STPG2: variants seen among roughly 807,000 people sequenced by gnomAD.
STPG2 encodes sperm tail PG-rich repeat containing 2.
In STPG2, 56 loss-of-function variants were observed where a neutral mutation model predicts 54.2. That is an observed-to-expected ratio of 1.03 (90% CI 0.83 to 1.29). The LOEUF (loss-of-function observed/expected upper bound fraction) is 1.29. Among genes scored for constraint, STPG2 ranks in the 50% most tolerant of loss-of-function variants. The pLI is 0.00. For synonymous variants in STPG2, 200 were observed against 181.8 expected, an observed-to-expected ratio of 1.10 and a Z score of -0.81; for missense variants, 596 against 544.9, an observed-to-expected ratio of 1.09 and a Z score of -0.93.
intron 9 of STPG2, among the ~76,000 whole-genome samples, chr4:97,776,890 A>G (rs1349511591): frequency 6.6e-6 from 1 of 152,178 alleles, no homozygotes; most frequent in Non-Finnish European, 1.5e-5. Flanking sequence ...AAACTAAAAG[A>G]GCACTGCAGT....
intron 4 of STPG2, among the ~76,000 whole-genome samples, chr4:97,457,990 A>G (rs2148804891): frequency 6.6e-6 from 1 of 152,386 alleles, no homozygotes; most frequent in East Asian, 1.9e-4. Context: ...TCAGAGGTTC[A>G]TAACTATGCA....
At chr4:97,609,943 A>T (rs1254477122) in intron 10 of STPG2, among the ~76,000 whole-genome samples, 1 of 151,862 alleles carries the variant, frequency 6.6e-6, no homozygotes, top group African/African-American at 2.4e-5. Context: ...GTATATATAT[A>T]TTATATGTGT....
chr4:97,535,855 T>A (rs968762167), intron 4 of STPG2, among the ~76,000 whole-genome samples: 5 of 152,174 alleles, frequency 3.3e-5, no homozygotes, highest in South Asian at 2.1e-4. Context: ...AGGCTATAGT[T>A]CCATATGAGT....
At chr4:97,864,488 T>A (rs1729685509) in intron 8 of STPG2, among the ~76,000 whole-genome samples, 1 of 152,122 alleles carries the variant, frequency 6.6e-6, no homozygotes. Context: ...ATAGGAAGAA[T>A]CAATATCGTG....
intron 10 of STPG2, among the ~76,000 whole-genome samples, chr4:97,679,520 A>T (rs902439168): frequency 5.3e-5 from 8 of 151,176 alleles, no homozygotes; most frequent in Admixed American, 2.0e-4. Context: ...TAGATTCTGG[A>T]TATTAGCCCT....
At chr4:97,693,400 C>A (rs1723442987) in intron 10 of STPG2, among the ~76,000 whole-genome samples, 1 of 151,906 alleles carries the variant, frequency 6.6e-6, no homozygotes, top group Non-Finnish European at 1.5e-5. Context: ...TTATATCAGA[C>A]AAAACAAACC....
intron 9 of STPG2, among the ~76,000 whole-genome samples, chr4:97,770,419 C>A (rs1399181680): frequency 2.0e-5 from 3 of 151,984 alleles, no homozygotes; most frequent in Non-Finnish European, 4.4e-5. Context: ...TTGGCAAGCA[C>A]AAAGAACTGC....
chr4:97,576,995 A>G (rs1732740806), intron 10 of STPG2, among the ~76,000 whole-genome samples: 2 of 152,242 alleles, frequency 1.3e-5, no homozygotes, highest in Non-Finnish European at 1.5e-5. Context: ...AAAAATGCTC[A>G]TCATCACTAA....
intron 10 of STPG2, among the ~76,000 whole-genome samples, chr4:97,608,785 C>T (rs975490643): frequency 1.3e-5 from 2 of 151,978 alleles, no homozygotes; most frequent in Non-Finnish European, 2.9e-5. Flanking sequence ...AATTGTATTG[C>T]CCTTTTATCT....
chr4:97,954,425 T>G (rs1206830677), intron 7 of STPG2, among the ~76,000 whole-genome samples: 1 of 152,204 alleles, frequency 6.6e-6, no homozygotes, highest in Non-Finnish European at 1.5e-5. Context: ...TGGGCCAGAA[T>G]GACAAAATTG....
chr4:97,855,072 G>A (rs969865552), intron 8 of STPG2, among the ~76,000 whole-genome samples: 1 of 152,124 alleles, frequency 6.6e-6, no homozygotes, highest in Non-Finnish European at 1.5e-5. Flanking sequence ...TCCCTGCAAA[G>A]GACATAATCT....
At chr4:98,024,217 A>C (rs1264023295) in intron 5 of STPG2, among the ~76,000 whole-genome samples, 1 of 152,194 alleles carries the variant, frequency 6.6e-6, no homozygotes, top group Non-Finnish European at 1.5e-5. Context: ...AGTTTCATGT[A>C]GTATCTTTAT....
At chr4:97,673,454 C>T (rs920905107) in intron 10 of STPG2, among the ~76,000 whole-genome samples, 31 of 152,122 alleles carry the variant, frequency 2.0e-4, no homozygotes, top group African/African-American at 7.5e-4. Context: ...AAAAAATAAA[C>T]ATATATTTAA....
At position 97,675,475 on chromosome 4, in the gene STPG2, C is replaced by T. The variant is rs1323461070; in HGVS notation, c.1320+37224G>A. Among the ~76,000 whole-genome samples, 3 of 152,126 alleles carry T rather than the reference C, an allele frequency of 2.0e-5. No homozygotes were observed. The East Asian group carries it at 5.8e-4, about 29-fold the overall frequency. ...CCAAAAGGAAAAGAAAAGAAAAAAA[C>T]TCTGTATTCCCTATCATACACAGCT... On this transcript the variant is annotated intron_variant, in intron 10 of 10. Transcript: ENST00000295268.
chr4:97,463,811 C>T (rs983967586), intron 4 of STPG2, among the ~76,000 whole-genome samples: 9 of 152,190 alleles, frequency 5.9e-5, no homozygotes, highest in Admixed American at 2.0e-4. Flanking sequence ...AATATTGATA[C>T]GTTACTGTTT....
chr4:97,689,413 C>T (rs1723295343), intron 10 of STPG2, among the ~76,000 whole-genome samples: 1 of 151,940 alleles, frequency 6.6e-6, no homozygotes, highest in Non-Finnish European at 1.5e-5. Context: ...CTCTCTCTTA[C>T]TCTCTCTTAA....
chr4:98,036,707 C>T (rs1217072231), intron 5 of STPG2, among the ~76,000 whole-genome samples: 1 of 151,274 alleles, frequency 6.6e-6, no homozygotes, highest in Non-Finnish European at 1.5e-5. Context: ...CTAACGGGTA[C>T]CAGGCTTAAT....
chr4:98,110,480 C>T (rs921417120), intron 3 of STPG2, among the ~76,000 whole-genome samples: 11 of 152,242 alleles, frequency 7.2e-5, no homozygotes, highest in South Asian at 2.1e-4. Flanking sequence ...ACACTGCACA[C>T]GTGGCCCCTC....
intron 8 of STPG2, among the ~76,000 whole-genome samples, chr4:97,943,136 C>T (rs116287838): frequency 0.022 from 3,415 of 152,094 alleles, 85 homozygotes; most frequent in African/African-American, 0.065. Context: ...AAGGGGCAAA[C>T]GAGCCTGCCT....
Sources: allele counts gnomAD v4.1 joint callset (sites outside exome capture counted in the v4.1 genomes callset), GRCh38; gene constraint gnomAD v4.1.1; transcripts MANE v1.5; gene names NCBI Gene and HGNC (gene_info 2026-07-23, HGNC 2026-07-21).